Variants in BCAT1 observed in about 807,000 individuals in gnomAD.
BCAT1 encodes branched chain amino acid transaminase 1, also known as branched-chain-amino-acid aminotransferase, cytosolic.
A neutral mutation model predicts 52.4 loss-of-function variants in BCAT1; 48 were observed. The observed-to-expected ratio is 0.92, with a 90% CI of 0.73 to 1.16. The LOEUF (loss-of-function observed/expected upper bound fraction) is 1.16, where lower values mean the gene tolerates loss of function less well. Among genes scored for constraint, BCAT1 ranks in the 50% most tolerant of loss-of-function variants. The probability of loss-of-function intolerance (pLI) is 0.00; values close to 1 mark genes in which losing one functional copy is unlikely to be tolerated. For synonymous variants in BCAT1, 167 were observed against 161.3 expected, an observed-to-expected ratio of 1.04 and a Z score of -0.27; for missense variants, 451 against 457.1, an observed-to-expected ratio of 0.99 and a Z score of 0.12.
At chr12:24,940,609 T>A (rs74417504) in intron 1 of BCAT1, among the ~76,000 whole-genome samples, 1 of 152,254 alleles carries the variant, frequency 6.6e-6, no homozygotes, top group African/African-American at 2.4e-5. Flanking sequence ...TAATGTTATA[T>A]GATTTCTTTT....
intron 8 of BCAT1, 32 bp from the exon 9 acceptor site, chr12:24,832,895 T>G (rs1343343113): frequency 1.3e-6 from 2 of 1,576,200 alleles, no homozygotes; most frequent in South Asian, 2.3e-5. Flanking sequence ...ACAAGTATAT[T>G]TTAAAGGAAA....
intron 1 of BCAT1, among the ~76,000 whole-genome samples, chr12:24,915,659 A>G (rs1450577445): frequency 3.9e-5 from 6 of 152,228 alleles, no homozygotes; most frequent in Admixed American, 3.9e-4. Context: ...GCACAGACAC[A>G]GGTGGCAGCA....
chr12:24,907,039 C>T (rs1467641891), intron 1 of BCAT1, among the ~76,000 whole-genome samples: 1 of 152,198 alleles, frequency 6.6e-6, no homozygotes, highest in East Asian at 1.9e-4. Context: ...TGGCAAGCTC[C>T]CAGCCCATCC....
At chr12:24,894,049 A>G (rs572773533) in intron 3 of BCAT1, among the ~76,000 whole-genome samples, 5 of 152,160 alleles carry the variant, frequency 3.3e-5, no homozygotes, top group Non-Finnish European at 7.4e-5. Flanking sequence ...GCTTTAAATA[A>G]TTTTTTTATT....
At chr12:24,821,242 T>C (rs546602437) in intron 10 of BCAT1, among the ~76,000 whole-genome samples, 71 of 152,326 alleles carry the variant, frequency 4.7e-4, no homozygotes, top group African/African-American at 1.7e-3. Flanking sequence ...TAGCCACTAG[T>C]GAGAACATAG....
chr12:24,857,377 G>A (rs765489426), intron 5 of BCAT1, among the ~76,000 whole-genome samples: 1 of 152,114 alleles, frequency 6.6e-6, no homozygotes, highest in Non-Finnish European at 1.5e-5. Context: ...GTTACTTTTG[G>A]TAAAGTTCAA....
At chr12:24,943,857 G>A (rs1013071247) in intron 1 of BCAT1, among the ~76,000 whole-genome samples, 8 of 152,132 alleles carry the variant, frequency 5.3e-5, no homozygotes, top group Middle Eastern at 3.4e-3. Context: ...GGTGGCGGGC[G>A]CCTGTAGTCC....
At chr12:24,941,521 T>C (rs1193639956) in intron 1 of BCAT1, among the ~76,000 whole-genome samples, 2 of 152,224 alleles carry the variant, frequency 1.3e-5, no homozygotes, top group African/African-American at 4.8e-5. Flanking sequence ...AATCAATTAA[T>C]CTGAATCTTG....
rs16928163 is a variant in BCAT1 at position 24,894,786 on chromosome 12, A to T, written c.79-311T>A. ...AATACAACCCTTTTTCACTCTCACC[A>T]TAGGACTCATGTTGAGTATTTGGGA... is the stretch of plus-strand genomic sequence containing the variant. On this transcript the variant is annotated intron_variant, in intron 2 of 10. Transcript: ENST00000261192. Among the ~76,000 whole-genome samples the T allele has an allele frequency of 5.3e-5, 8 of 152,134 alleles. No homozygotes were observed. In the East Asian group the frequency reaches 1.5e-3, roughly 29 times the overall value.
chr12:24,885,311 C>G (rs1942627609), intron 3 of BCAT1, among the ~76,000 whole-genome samples: 1 of 152,000 alleles, frequency 6.6e-6, no homozygotes. Flanking sequence ...TTAAAAGATA[C>G]AGTACTTAGG....
chr12:24,824,003 C>T (rs1288127368), intron 10 of BCAT1, among the ~76,000 whole-genome samples: 1 of 152,176 alleles, frequency 6.6e-6, no homozygotes, highest in Non-Finnish European at 1.5e-5. Context: ...CTTTCAGTCA[C>T]TTTCAGGTTT....
At chr12:24,850,694 C>T (rs531420512) in intron 5 of BCAT1, among the ~76,000 whole-genome samples, 15 of 152,144 alleles carry the variant, frequency 9.9e-5, no homozygotes, top group Non-Finnish European at 1.5e-4. Context: ...ATAAGGCAAA[C>T]GCTGAGTTAT....
chr12:24,835,729 C>T (rs1940891325), intron 8 of BCAT1, among the ~76,000 whole-genome samples: 1 of 152,096 alleles, frequency 6.6e-6, no homozygotes, highest in Non-Finnish European at 1.5e-5. Flanking sequence ...GCTGGGACTA[C>T]AGGCATGTAC....
intron 10 of BCAT1, among the ~76,000 whole-genome samples, chr12:24,820,513 T>C (rs1228781053): frequency 6.6e-6 from 1 of 152,124 alleles, no homozygotes; most frequent in East Asian, 1.9e-4. Flanking sequence ...AGGATGTCAT[T>C]ATACTCTTGT....
intron 5 of BCAT1, among the ~76,000 whole-genome samples, chr12:24,853,315 G>A (rs567700863): frequency 6.6e-6 from 1 of 152,290 alleles, no homozygotes; most frequent in South Asian, 2.1e-4. Flanking sequence ...GCTGCAGCTG[G>A]AGTCTCTCTA....
chr12:24,836,313 C>T (rs1387808440), intron 8 of BCAT1, 198 bp downstream of exon 8: 8 of 542,702 alleles, frequency 1.5e-5, no homozygotes, highest in African/African-American at 3.8e-5. Flanking sequence ...TTCTCTCTGC[C>T]CTTGCTATCA....
At chr12:24,871,797 GATA>G (rs1942190642) in intron 5 of BCAT1, among the ~76,000 whole-genome samples, 1 of 152,168 alleles carries the variant, frequency 6.6e-6, no homozygotes, top group African/African-American at 2.4e-5. Context: ...AGAGTGGCCA[GATA>G]ATAATAAGCT....
chr12:24,916,844 T>C (rs938327694), intron 1 of BCAT1, among the ~76,000 whole-genome samples: 1 of 152,166 alleles, frequency 6.6e-6, no homozygotes, highest in Non-Finnish European at 1.5e-5. Flanking sequence ...CAGCCGAAAA[T>C]AGGTTCTTAT....
In BCAT1 at chr12:24,887,080, A is replaced by AATATATATATATAT. The variant is rs71063368; in HGVS notation, c.280-5683_280-5670dup. Reference sequence around the variant, plus strand: ...GCTAGCTAAAAAAAAAAAAAAAAAAAATATATATATATATATATATATATA... The same window carrying AATATATATATATAT: ...GCTAGCTAAAAAAAAAAAAAAAAAAAATATATATATATATATATATATATATATATATATATATA... On this transcript the variant is annotated intron_variant, in intron 3 of 10. Coordinates refer to ENST00000261192, the MANE Select transcript of BCAT1 (RefSeq NM_005504.7). 8.8e-4 allele frequency among the ~76,000 whole-genome samples: 36 copies of AATATATATATATAT among 40,736 alleles called. 1 individual carries two copies. The highest frequency in any genetic ancestry group is 1.5e-3 in the Non-Finnish European group (28 of 19,054). The allele number at this position is 40,736 out of a possible 152,430, so 26.7% of individuals were successfully genotyped here. A position where few individuals can be genotyped will look rare whatever the true frequency, so the allele number is the denominator to read the frequency against.
Sources: gnomAD v4.1 joint callset for allele counts (sites outside exome capture counted in the v4.1 genomes callset) on GRCh38, gnomAD v4.1.1 for gene constraint, MANE v1.5 for transcripts, NCBI Gene and HGNC (gene_info 2026-07-23, HGNC 2026-07-21) for gene names.